Variants in ASS1 observed in about 807,000 individuals in gnomAD.
ASS1 encodes argininosuccinate synthase.
Under a neutral mutation model 60.5 loss-of-function variants are expected in ASS1, and 58 were observed. The observed-to-expected ratio is 0.96, with a 90% CI of 0.78 to 1.19. ASS1 has a LOEUF of 1.19. Ranked by LOEUF, ASS1 falls within the 50% of genes most tolerant of loss-of-function variation. The pLI is 0.00. For synonymous variants in ASS1, 200 were observed against 206.9 expected (o/e 0.97, Z 0.29); for missense variants, 454 against 547.3 (o/e 0.83, Z 1.70).
At chr9:130,449,765 G>A (rs975613549) in intron 1 of ASS1, among the ~76,000 whole-genome samples, 8 of 152,268 alleles carry the variant, frequency 5.3e-5, no homozygotes, top group African/African-American at 1.9e-4. Flanking sequence ...GCCTAAGACG[G>A]ACATGTCTAT....
chr9:130,493,726 G>A (rs1846510761), intron 12 of ASS1, among the ~76,000 whole-genome samples: 1 of 152,064 alleles, frequency 6.6e-6, no homozygotes, highest in Non-Finnish European at 1.5e-5. Flanking sequence ...CTCTAGCCTT[G>A]CCCTGTCCCT....
At chr9:130,457,194 G>A (rs1028812321) in intron 3 of ASS1, among the ~76,000 whole-genome samples, 12 of 152,054 alleles carry the variant, frequency 7.9e-5, no homozygotes, top group African/African-American at 2.7e-4. Flanking sequence ...TTGTTTTTTC[G>A]TTTGTTTGTT....
rs1388434868 is a variant in ASS1, at chr9:130,491,908, C to T, written c.970+2444C>T. On this transcript the variant is annotated intron_variant, in intron 12 of 14. Coordinates refer to ENST00000352480, the MANE Select transcript of ASS1 (RefSeq NM_054012.4). The surrounding 1 kb of genome is among the most constrained non-coding windows in gnomAD (Gnocchi z 5.3). Reference sequence around the variant, plus strand: ...CGGCCTCGGGCAGCAGGCTGACCCCCACAGCTCAGAGGGCCTGTTTGATGC... The same window carrying T: ...CGGCCTCGGGCAGCAGGCTGACCCCTACAGCTCAGAGGGCCTGTTTGATGC... Among the ~76,000 whole-genome samples, 2 of 152,180 alleles carry T rather than the reference C, an allele frequency of 1.3e-5. No homozygotes were observed. The highest frequency in any genetic ancestry group is 4.8e-5 in the African/African-American group (2 of 41,434).
At position 130,471,384 on chromosome 9, in the gene ASS1, G is replaced by C. The variant is rs1028949895; in HGVS notation, c.567-101G>C. 5.5e-6 allele frequency: 8 copies of C among 1,458,692 alleles called. No individual in the cohort carries two copies. In the South Asian group the frequency reaches 9.1e-5, roughly 17 times the overall value. 90.4% of individuals were successfully genotyped at this position (1,458,692 alleles called of 1,614,324 possible). A position where few individuals can be genotyped will look rare whatever the true frequency, so the allele number is the denominator to read the frequency against. On this transcript the variant is annotated intron_variant, in intron 7 of 14. Transcript: ENST00000352480. ...GCAGATGCTCTGGCAGAGAGTAAAAGGCAGACCAGGCTCATGGGCACAATG... is the reference window on the plus strand; with the variant it reads ...GCAGATGCTCTGGCAGAGAGTAAAACGCAGACCAGGCTCATGGGCACAATG...
chr9:130,450,929 CA>C (rs1464207394), intron 1 of ASS1, among the ~76,000 whole-genome samples: 1 of 152,246 alleles, frequency 6.6e-6, no homozygotes, highest in East Asian at 1.9e-4. Flanking sequence ...ATGCCCTGTA[CA>C]TTTGGGAAAT....
chr9:130,459,473 C>T lies in ASS1; in HGVS notation c.363+884C>T, dbSNP rs943560300. On this transcript the variant is annotated intron_variant, in intron 4 of 14. Transcript: ENST00000352480. This position sits in a 1 kb window ranked among gnomAD's most constrained non-coding sequence, Gnocchi z 4.6. The stretch of plus-strand genomic sequence containing the variant: ...GAGGGACAAAGTCTCACTCTGACGC[C>T]CAGGCTGGAGTGCAGTGGCTCGATC... Among the ~76,000 whole-genome samples the T allele has an allele frequency of 5.3e-5, 8 of 151,976 alleles. No individual in the cohort carries two copies. The highest frequency in any genetic ancestry group is 1.0e-4 in the Non-Finnish European group (7 of 68,014).
intron 6 of ASS1, among the ~76,000 whole-genome samples, chr9:130,469,052 G>C (rs543481718): frequency 2.6e-5 from 4 of 152,334 alleles, no homozygotes; most frequent in African/African-American, 9.6e-5. Flanking sequence ...GCTGAGAAGG[G>C]AGGCAAAGGT....
At chr9:130,490,652 T>G (rs562991225) in intron 12 of ASS1, among the ~76,000 whole-genome samples, 1 of 152,270 alleles carries the variant, frequency 6.6e-6, no homozygotes, top group South Asian at 2.1e-4. Context: ...GAAAAAAAAT[T>G]TTTTAATGCT....
intron 11 of ASS1, among the ~76,000 whole-genome samples, chr9:130,480,669 C>G (rs916918256): frequency 6.6e-6 from 1 of 152,208 alleles, no homozygotes; most frequent in Admixed American, 6.5e-5. Context: ...AAGAGCTGTC[C>G]AAGGGCTGGG....
At chr9:130,454,259 G>C in intron 2 of ASS1, 46 bp from the exon 3 acceptor site, 1 of 1,589,554 alleles carries the variant, frequency 6.3e-7, no homozygotes, top group Non-Finnish European at 8.6e-7. Context: ...GTGAACTCAG[G>C]GCTCCCCCCA....
Position 130,470,936 on chromosome 9 carries a change from T to C in ASS1, c.566+32T>C. On this transcript the variant is annotated intron_variant, in intron 7 of 14. Transcript: ENST00000352480. This position sits in a 1 kb window ranked among gnomAD's most constrained non-coding sequence, Gnocchi z 4.3. ...CCCACCCTCCACCCATCCTTGGTCCTCCCGGGCTCATTCCAAAGGACGGCC... is the reference window on the plus strand; with the variant it reads ...CCCACCCTCCACCCATCCTTGGTCCCCCCGGGCTCATTCCAAAGGACGGCC... The C allele has an allele frequency of 6.2e-7, 1 of 1,610,312 alleles. No individual in the cohort carries two copies. The highest frequency in any genetic ancestry group is 8.5e-7 in the Non-Finnish European group (1 of 1,176,860).
chr9:130,450,275 G>A lies in ASS1; in HGVS notation c.-5-1949G>A, dbSNP rs1022721250. The A allele has an allele frequency of 1.0e-5, 10 of 987,964 alleles. No homozygotes were observed. The South Asian group carries it at 2.8e-4, about 28-fold the overall frequency. 61.2% of individuals were successfully genotyped at this position (987,964 alleles called of 1,614,324 possible). A position where few individuals can be genotyped will look rare whatever the true frequency, so the allele number is the denominator to read the frequency against. ...CTGAGTAGCTCTGCTTTTGCAGAGTGGTTCACTGCACTGTGAAAACAGATT... is the reference window on the plus strand; with the variant it reads ...CTGAGTAGCTCTGCTTTTGCAGAGTAGTTCACTGCACTGTGAAAACAGATT... On this transcript the variant is annotated intron_variant, in intron 1 of 14. Coordinates refer to ENST00000352480, the MANE Select transcript of ASS1 (RefSeq NM_054012.4).
Position 130,454,041 on chromosome 9 carries a change from G to A in ASS1, c.106-264G>A, listed in dbSNP as rs530344454. On this transcript the variant is annotated intron_variant, in intron 2 of 14. Coordinates refer to ENST00000352480, the MANE Select transcript of ASS1 (RefSeq NM_054012.4). ...AGATGGTTGTCTCCCAGCAGCCTGT[G>A]TGGCCAGGGCCAGGCTCAGCCAATG... Among the ~76,000 whole-genome samples the A allele has an allele frequency of 3.5e-4, 54 of 152,366 alleles. No individual in the cohort carries two copies. The South Asian group carries it at 4.3e-3, about 12-fold the overall frequency.
Position 130,454,316 on chromosome 9 carries a change from C to T in ASS1, c.117C>T (p.Gly39=), listed in dbSNP as rs1378899995. 1 of 1,611,906 alleles carries T rather than the reference C, an allele frequency of 6.2e-7. No individual in the cohort carries two copies. Among genetic ancestry groups the T allele is most frequent in the Non-Finnish European group, 8.5e-7 (1 of 1,179,446 alleles). The part of the protein sequence containing the change: ...YDVIAYLANI[G]QKEDFEEARK... ...CTTCTGCTTCTCAGGCCAACATTGG[C>T]CAGAAGGAAGACTTCGAGGAAGCCA... The change falls in exon 3 of 15, where the codon GGC becomes GGT. Residue 39 remains glycine (G), a synonymous_variant. Coordinates refer to ENST00000352480, the MANE Select transcript of ASS1 (RefSeq NM_054012.4).
chr9:130,471,247 G>A (rs1321192933), intron 7 of ASS1, among the ~76,000 whole-genome samples: 1 of 152,192 alleles, frequency 6.6e-6, no homozygotes, highest in African/African-American at 2.4e-5. Flanking sequence ...CCAACCACGT[G>A]CAGAGCCCCG....
rs546521341 is a variant in ASS1 at position 130,465,602 on chromosome 9, T to C, written c.421-1123T>C. Among the ~76,000 whole-genome samples, 4 of 152,352 alleles carry C rather than the reference T, an allele frequency of 2.6e-5. No individual in the cohort carries two copies. In the East Asian group the frequency reaches 7.7e-4, roughly 29 times the overall value. Reference sequence around the variant, plus strand: ...CAGCACAGGCCGGGACTGAGCTCTTTTGAGGCCGCTTTGGGCTCAAGCTCT... The same window carrying C: ...CAGCACAGGCCGGGACTGAGCTCTTCTGAGGCCGCTTTGGGCTCAAGCTCT... On this transcript the variant is annotated intron_variant, in intron 5 of 14. Coordinates refer to ENST00000352480, the MANE Select transcript of ASS1 (RefSeq NM_054012.4).
chr9:130,466,495 C>A, intron 5 of ASS1: 1 of 599,540 alleles, frequency 1.7e-6, no homozygotes, highest in Admixed American at 2.7e-5. Flanking sequence ...CCCCAACACA[C>A]CACCATTCTG....
chr9:130,484,088 C>T (rs1257373955), intron 11 of ASS1, among the ~76,000 whole-genome samples: 1 of 152,156 alleles, frequency 6.6e-6, no homozygotes, highest in Admixed American at 6.5e-5. Flanking sequence ...TAGAGTCCCA[C>T]CCTGACTGGC....
Position 130,488,031 on chromosome 9 carries a change from T to C in ASS1, c.839-1302T>C, listed in dbSNP as rs1429591852. On this transcript the variant is annotated intron_variant, in intron 11 of 14. Transcript: ENST00000352480. The surrounding 1 kb of genome is among the most constrained non-coding windows in gnomAD (Gnocchi z 5.2). ...CGGCCTCCCAAAGTGCTAGAATTAT[T>C]ACAGTCATGAGCCACTGTGCCCGGC... Among the ~76,000 whole-genome samples the C allele has an allele frequency of 3.9e-5, 6 of 152,100 alleles. No homozygotes were observed. The highest frequency in any genetic ancestry group is 8.8e-5 in the Non-Finnish European group (6 of 68,002).
Sources: allele counts gnomAD v4.1 joint callset (sites outside exome capture counted in the v4.1 genomes callset), GRCh38; gene constraint gnomAD v4.1.1; non-coding constraint Gnocchi (gnomAD v3.1); transcripts MANE v1.5; gene names NCBI Gene and HGNC (gene_info 2026-07-23, HGNC 2026-07-21).